PTGIS: variants seen among roughly 807,000 people sequenced by gnomAD.
The protein encoded by PTGIS is prostaglandin I2 synthase.
In PTGIS, 45 loss-of-function variants were observed where a neutral mutation model predicts 50.3. The observed-to-expected ratio is 0.90, with a 90% CI of 0.70 to 1.15. The LOEUF (loss-of-function observed/expected upper bound fraction) is 1.15, where lower values mean the gene tolerates loss of function less well. Ranked by LOEUF, PTGIS falls within the 50% of genes most tolerant of loss-of-function variation. The pLI is 0.00. For missense variants in PTGIS, 668 were observed against 661.3 expected, an observed-to-expected ratio of 1.01 and a Z score of -0.11; for synonymous variants, 260 against 267.7, an observed-to-expected ratio of 0.97 and a Z score of 0.28.
At chr20:49,551,796 GTGTA>G (rs1425265986) in intron 1 of PTGIS, among the ~76,000 whole-genome samples, 15 of 127,714 alleles carry the variant, frequency 1.2e-4, no homozygotes, top group Middle Eastern at 3.9e-3. Context: ...GTGTATGCAT[GTGTA>G]TGTGTTTGTG....
intron 5 of PTGIS, among the ~76,000 whole-genome samples, chr20:49,527,160 T>C (rs754971086): frequency 6.6e-6 from 1 of 151,808 alleles, no homozygotes; most frequent in African/African-American, 2.4e-5. Flanking sequence ...TTCTGACGCA[T>C]ATGCCAGGCA....
chr20:49,550,281 C>A (rs1335341116), intron 1 of PTGIS, 92 bp from the exon 2 acceptor site: 6 of 1,531,212 alleles, frequency 3.9e-6, no homozygotes, highest in African/African-American at 1.4e-5. Context: ...ATGGAGCAGT[C>A]GGGGAGGTAA....
At position 49,507,823 on chromosome 20, in the gene PTGIS, G is replaced by T; in HGVS notation, c.*97C>A. On this transcript the variant is annotated 3_prime_UTR_variant, in exon 10 of 10. Transcript: ENST00000244043. The stretch of plus-strand genomic sequence containing the variant: ...CAGGGAAGTGGTAATGCTAGCACCT[G>T]CACCCGGGCCAACTGTGCACACAGA... The T allele has an allele frequency of 6.5e-7, 1 of 1,535,288 alleles. No individual in the cohort carries two copies. Among genetic ancestry groups the T allele is most frequent in the Non-Finnish European group, 8.9e-7 (1 of 1,129,534 alleles).
chr20:49,534,030 G>A (rs1051846489), intron 5 of PTGIS, among the ~76,000 whole-genome samples: 3 of 152,058 alleles, frequency 2.0e-5, no homozygotes, highest in Admixed American at 2.0e-4. Context: ...CCCTCTGCCT[G>A]CAGCTTGCTC....
At position 49,511,072 on chromosome 20, in the gene PTGIS, G is replaced by C. The variant is rs760498989; in HGVS notation, c.1314C>G (p.His438Gln). The C allele has an allele frequency of 1.2e-6, 2 of 1,613,992 alleles. No individual in the cohort carries two copies. The highest frequency in any genetic ancestry group is 1.7e-6 in the Non-Finnish European group (2 of 1,179,960). ...KNYNMPWGAGHNHCLGRSYAV... is the reference protein window; with the variant it reads ...KNYNMPWGAGQNHCLGRSYAV... The stretch of plus-strand genomic sequence containing the variant: ...CATAACTCCTCCCCAGGCAGTGATT[G>C]TGCCCCGCCCCCCAGGGCATGTTGT... The change falls in exon 9 of 10, where the codon CAC (histidine) becomes CAG (glutamine). Residue 438 changes from histidine to glutamine, a missense_variant. Coordinates refer to ENST00000244043, the MANE Select transcript of PTGIS (RefSeq NM_000961.4).
At position 49,540,144 on chromosome 20, in the gene PTGIS, T is replaced by G. The variant is rs1982187988; in HGVS notation, c.522-423A>C. 6.6e-6 allele frequency among the ~76,000 whole-genome samples: 1 copy of G among 151,096 alleles called. No homozygotes were observed. The highest frequency in any genetic ancestry group is 2.4e-5 in the African/African-American group (1 of 40,990). On this transcript the variant is annotated intron_variant, in intron 4 of 9. Coordinates refer to ENST00000244043, the MANE Select transcript of PTGIS (RefSeq NM_000961.4). The surrounding 1 kb of genome is among the most constrained non-coding windows in gnomAD (Gnocchi z 4.8). Reference sequence around the variant, plus strand: ...GGTAGGAAGCAGAGCAAGCACCAGGTGTGATGTCCTGGGGCAGGAGGGAGC... The same window carrying G: ...GGTAGGAAGCAGAGCAAGCACCAGGGGTGATGTCCTGGGGCAGGAGGGAGC...
chr20:49,561,614 G>A (rs1228878895), intron 1 of PTGIS, among the ~76,000 whole-genome samples: 1 of 152,206 alleles, frequency 6.6e-6, no homozygotes, highest in African/African-American at 2.4e-5. Flanking sequence ...AGAGGCAGGA[G>A]GGCATGGTCA....
chr20:49,550,086 TCTC>T lies in PTGIS; in HGVS notation c.175_177del (p.Glu59del). 6.2e-7 allele frequency: 1 copy of T among 1,614,134 alleles called. No homozygotes were observed. Among genetic ancestry groups the T allele is most frequent in the Non-Finnish European group, 8.5e-7 (1 of 1,180,028 alleles). The stretch of plus-strand genomic sequence containing the variant: ...CTTACAGTAAAGATGTCACCGTGCT[TCTC>T]CTTCATCCTCGTGAGGAAGCTGGCA... On this transcript the variant is annotated inframe_deletion, in exon 2 of 10. Coordinates refer to ENST00000244043, the MANE Select transcript of PTGIS (RefSeq NM_000961.4).
intron 6 of PTGIS, among the ~76,000 whole-genome samples, chr20:49,518,809 T>C (rs1981567198): frequency 6.6e-6 from 1 of 152,178 alleles, no homozygotes; most frequent in Non-Finnish European, 1.5e-5. Context: ...GGTTTTGCTT[T>C]CTACTCCGTT....
At chr20:49,566,063 C>T (rs1171765623) in intron 1 of PTGIS, among the ~76,000 whole-genome samples, 1 of 152,036 alleles carries the variant, frequency 6.6e-6, no homozygotes, top group East Asian at 1.9e-4. Context: ...AATCCTGTCT[C>T]TACTAAAAAT....
At chr20:49,548,400 C>T (rs372881873) in intron 2 of PTGIS, among the ~76,000 whole-genome samples, 171 of 152,120 alleles carry the variant, frequency 1.1e-3, no homozygotes, top group African/African-American at 3.9e-3. Flanking sequence ...GGAGAGAAGG[C>T]GGCAGATGGA....
At chr20:49,520,877 C>T (rs1601183594) in intron 6 of PTGIS, among the ~76,000 whole-genome samples, 1 of 151,272 alleles carries the variant, frequency 6.6e-6, no homozygotes, top group African/African-American at 2.4e-5. Context: ...TGGGGTCTTG[C>T]TATGTTGCCC....
chr20:49,553,960 T>C (rs1056899259), intron 1 of PTGIS, among the ~76,000 whole-genome samples: 2 of 152,192 alleles, frequency 1.3e-5, no homozygotes, highest in African/African-American at 4.8e-5. Context: ...AAGTTGACTA[T>C]AATTAAAAGG....
At chr20:49,565,845 T>C (rs893668521) in intron 1 of PTGIS, among the ~76,000 whole-genome samples, 2 of 152,168 alleles carry the variant, frequency 1.3e-5, no homozygotes, top group African/African-American at 2.4e-5. Flanking sequence ...CCAGGGTCCA[T>C]GCACCTACCC....
intron 6 of PTGIS, among the ~76,000 whole-genome samples, chr20:49,521,700 A>C (rs768632425): frequency 6.6e-6 from 1 of 152,168 alleles, no homozygotes; most frequent in Non-Finnish European, 1.5e-5. Flanking sequence ...GGAAACTAAA[A>C]ATAAGCTGCA....
intron 1 of PTGIS, among the ~76,000 whole-genome samples, chr20:49,563,731 G>A (rs1456271504): frequency 6.6e-6 from 1 of 152,240 alleles, no homozygotes; most frequent in Admixed American, 6.5e-5. Context: ...GAATGAGACA[G>A]ATTTATTTGT....
chr20:49,536,482 T>TC (rs1982076138), intron 5 of PTGIS, among the ~76,000 whole-genome samples: 1 of 115,942 alleles, frequency 8.6e-6, no homozygotes, highest in African/African-American at 3.0e-5. Flanking sequence ...TTCTTTCTTT[T>TC]TTTTTTTTTT....
chr20:49,554,424 T>C (rs192192252), intron 1 of PTGIS, among the ~76,000 whole-genome samples: 3 of 152,344 alleles, frequency 2.0e-5, no homozygotes, highest in Admixed American at 2.0e-4. Flanking sequence ...TGTAACTTTC[T>C]GTAATGTTTT....
intron 1 of PTGIS, among the ~76,000 whole-genome samples, chr20:49,559,140 C>G (rs749124226): frequency 6.6e-6 from 1 of 152,068 alleles, no homozygotes; most frequent in African/African-American, 2.4e-5. Flanking sequence ...CCTGCTGTCC[C>G]GATATTTTAT....
Sources: gnomAD v4.1 joint callset for allele counts (sites outside exome capture counted in the v4.1 genomes callset) on GRCh38, gnomAD v4.1.1 for gene constraint, Gnocchi (gnomAD v3.1) non-coding constraint, MANE v1.5 for transcripts, NCBI Gene and HGNC (gene_info 2026-07-23, HGNC 2026-07-21) for gene names.